Variants in RNF144A observed in about 807,000 individuals in gnomAD.
The protein encoded by RNF144A is ring finger protein 144A.
RNF144A carries 11 observed loss-of-function variants against 38.7 expected under a neutral mutation model. The ratio of observed to expected loss-of-function variants is 0.28; its 90% CI spans 0.18 to 0.47. The LOEUF (loss-of-function observed/expected upper bound fraction) is 0.47, where lower values mean the gene tolerates loss of function less well. RNF144A is among the 20% of genes least tolerant of loss of function. The pLI is 0.99. For missense variants in RNF144A, 316 were observed against 377.2 expected, an observed-to-expected ratio of 0.84 and a Z score of 1.34; for synonymous variants, 149 against 143.9, an observed-to-expected ratio of 1.04 and a Z score of -0.25.
intron 5 of RNF144A, among the ~76,000 whole-genome samples, chr2:7,015,618 G>A (rs573173435): frequency 2.6e-5 from 4 of 152,270 alleles, no homozygotes; most frequent in East Asian, 1.9e-4. Context: ...GAAATACTCC[G>A]GGGTCATACA....
At chr2:7,059,421 A>G (rs1673867578) in intron 6 of RNF144A, among the ~76,000 whole-genome samples, 1 of 152,178 alleles carries the variant, frequency 6.6e-6, no homozygotes, top group Admixed American at 6.5e-5. Flanking sequence ...AGCTTTCAGT[A>G]CGTCCTGTTC....
chr2:7,066,079 C>CTT (rs1012888976), intron 6 of RNF144A, among the ~76,000 whole-genome samples: 2 of 146,046 alleles, frequency 1.4e-5, no homozygotes, highest in African/African-American at 2.5e-5. Context: ...GTTTTTCTCT[C>CTT]TTTTTTTTTT....
intron 1 of RNF144A, among the ~76,000 whole-genome samples, chr2:6,921,362 C>T (rs1664526683): frequency 6.6e-6 from 1 of 152,208 alleles, no homozygotes; most frequent in Non-Finnish European, 1.5e-5. Flanking sequence ...AGTATTTTAT[C>T]ATCTCAGGTG....
intron 2 of RNF144A, among the ~76,000 whole-genome samples, chr2:6,947,526 C>T (rs1031758938): frequency 1.6e-4 from 24 of 152,182 alleles, no homozygotes; most frequent in African/African-American, 5.1e-4. Flanking sequence ...AAAGTTTCTA[C>T]ATATATAAAA....
chr2:6,985,923 C>T (rs970101235), intron 2 of RNF144A, among the ~76,000 whole-genome samples: 15 of 152,188 alleles, frequency 9.9e-5, no homozygotes, highest in African/African-American at 3.1e-4. Context: ...ATCCGCCCAC[C>T]TCGGCCTCCC....
At chr2:6,963,012 G>A (rs115053522) in intron 2 of RNF144A, among the ~76,000 whole-genome samples, 2,000 of 152,310 alleles carry the variant, frequency 0.013, 39 homozygotes, top group African/African-American at 0.044. Flanking sequence ...GGATGAAGTC[G>A]TACTTGGACT....
intron 1 of RNF144A, among the ~76,000 whole-genome samples, chr2:6,921,850 T>A (rs904690562): frequency 2.0e-5 from 3 of 152,120 alleles, no homozygotes; most frequent in Non-Finnish European, 2.9e-5. Context: ...AAGGTCACAT[T>A]CTGGGCCTGG....
chr2:7,051,075 G>C (rs1266952620), intron 6 of RNF144A, among the ~76,000 whole-genome samples: 1 of 152,216 alleles, frequency 6.6e-6, no homozygotes, highest in East Asian at 1.9e-4. Context: ...CGGCAGGCCG[G>C]AAGGTGATGA....
At chr2:6,936,302 T>C (rs1665570355) in intron 1 of RNF144A, among the ~76,000 whole-genome samples, 1 of 152,184 alleles carries the variant, frequency 6.6e-6, no homozygotes, top group Admixed American at 6.5e-5. Context: ...GGCATATATA[T>C]ACACACACCC....
intron 6 of RNF144A, among the ~76,000 whole-genome samples, chr2:7,058,989 A>G (rs1673852625): frequency 6.6e-6 from 1 of 151,964 alleles, no homozygotes; most frequent in Non-Finnish European, 1.5e-5. Flanking sequence ...GCATTTAAAG[A>G]ACTTGGAGTG....
At chr2:7,039,362 G>A (rs985576619) in intron 8 of RNF144A, among the ~76,000 whole-genome samples, 1 of 151,618 alleles carries the variant, frequency 6.6e-6, no homozygotes, top group Non-Finnish European at 1.5e-5. Context: ...GATGGTTAAT[G>A]GATGAATGGG....
At chr2:7,005,444 C>T (rs1225794089) in intron 3 of RNF144A, among the ~76,000 whole-genome samples, 3 of 152,084 alleles carry the variant, frequency 2.0e-5, no homozygotes, top group Admixed American at 1.3e-4. Flanking sequence ...CTTGGTTTTT[C>T]GATGGGGAGA....
At position 7,024,484 on chromosome 2, in the gene RNF144A, G is replaced by C; in HGVS notation, c.625G>C (p.Ala209Pro). ...GATGATGTGCAAGAACTGCAAGCAC[G>C]CCTTCTGCTGGTACTGCCTGGAGTC... ...AQMMCKNCKH[A>P]FCWYCLESLD... Residue 209 changes from alanine (A) to proline (P), a missense_variant, in exon 7 of 9, where the codon GCC becomes CCC. Physicochemically the swap from Ala to Pro is conservative, Grantham distance 27. Coordinates refer to ENST00000320892, the MANE Select transcript of RNF144A (RefSeq NM_014746.6). The C allele has an allele frequency of 6.2e-7, 1 of 1,611,604 alleles. No individual in the cohort carries two copies. Among genetic ancestry groups the C allele is most frequent in the Non-Finnish European group, 8.5e-7 (1 of 1,177,816 alleles).
rs758031410 is a variant in RNF144A at position 7,020,670 on chromosome 2, G to A, written c.499G>A (p.Gly167Arg). 5.6e-6 allele frequency: 9 copies of A among 1,602,636 alleles called. No individual in the cohort carries two copies. Among genetic ancestry groups the A allele is most frequent in the Non-Finnish European group, 6.8e-6 (8 of 1,179,842 alleles). The change falls in exon 6 of 9, where the codon GGG (glycine) becomes AGG (arginine). Residue 167 changes from glycine (G) to arginine (R), a missense_variant. Physicochemically the swap from Gly to Arg is moderately radical, Grantham distance 125. Coordinates refer to ENST00000320892, the MANE Select transcript of RNF144A (RefSeq NM_014746.6). ...GACCATGCCGATCACCTTCCTCCCCGGGGAGACCAGGTACCCTTTGTACAC... is the reference window on the plus strand; with the variant it reads ...GACCATGCCGATCACCTTCCTCCCCAGGGAGACCAGGTACCCTTTGTACAC... Reference protein sequence around the residue: ...PETMPITFLPGETSAAFKMEE... With the variant: ...PETMPITFLPRETSAAFKMEE...
chr2:6,996,139 C>A (rs984024058), intron 2 of RNF144A, among the ~76,000 whole-genome samples: 12 of 152,196 alleles, frequency 7.9e-5, no homozygotes, highest in Non-Finnish European at 1.6e-4. Context: ...TTCTGTTGGA[C>A]GTCTACCTTC....
intron 5 of RNF144A, among the ~76,000 whole-genome samples, chr2:7,018,781 T>A (rs1300689499): frequency 6.6e-6 from 1 of 152,032 alleles, no homozygotes; most frequent in Non-Finnish European, 1.5e-5. Context: ...ATAATTAGAG[T>A]AGAGCACCTG....
At chr2:7,038,472 A>T (rs993338905) in intron 8 of RNF144A, among the ~76,000 whole-genome samples, 2 of 152,200 alleles carry the variant, frequency 1.3e-5, no homozygotes, top group African/African-American at 2.4e-5. Context: ...GCCAAGATGT[A>T]TGCACCTCTG....
intron 2 of RNF144A, among the ~76,000 whole-genome samples, chr2:6,982,106 C>T (rs1382021999): frequency 1.3e-5 from 2 of 152,288 alleles, no homozygotes; most frequent in African/African-American, 4.8e-5. Context: ...CCAGTCGCCT[C>T]CCACCAGGTC....
chr2:7,018,506 G>A (rs1044007251), intron 5 of RNF144A, among the ~76,000 whole-genome samples: 6 of 152,216 alleles, frequency 3.9e-5, no homozygotes, highest in African/African-American at 1.4e-4. Context: ...TCAGCGTGGC[G>A]CTCAGTGCCC....
Sources: allele counts gnomAD v4.1 joint callset (sites outside exome capture counted in the v4.1 genomes callset), GRCh38; gene constraint gnomAD v4.1.1; transcripts MANE v1.5; gene names NCBI Gene and HGNC (gene_info 2026-07-23, HGNC 2026-07-21).